Variants in MYO18B observed in about 807,000 individuals in gnomAD.
MYO18B encodes the protein unconventional myosin-XVIIIb.
In MYO18B, 204 loss-of-function variants were observed where a neutral mutation model predicts 273.0. The observed-to-expected ratio is 0.75, with a 90% CI of 0.67 to 0.84. MYO18B has a LOEUF of 0.84. MYO18B is among the 40% of genes least tolerant of loss of function. MYO18B has a pLI of 0.00. For synonymous variants in MYO18B, 1,330 were observed against 1,305.7 expected (o/e 1.02, Z -0.40); for missense variants, 3,212 against 3,287.6 (o/e 0.98, Z 0.56).
intron 34 of MYO18B, among the ~76,000 whole-genome samples, chr22:25,935,845 A>G (rs1274091937): frequency 2.0e-5 from 3 of 152,168 alleles, no homozygotes; most frequent in South Asian, 2.1e-4. Flanking sequence ...TTAGAGACCT[A>G]TGCATGGAGG....
At chr22:26,043,134 C>T in the MYO18B span, among the ~76,000 whole-genome samples, 1 of 152,198 alleles carries the variant, frequency 6.6e-6, no homozygotes, top group Non-Finnish European at 1.5e-5. Context: ...TCTAGAATTT[C>T]ATACAAATGG....
At chr22:25,923,789 C>T (rs562745394) in intron 34 of MYO18B, among the ~76,000 whole-genome samples, 2 of 152,218 alleles carry the variant, frequency 1.3e-5, no homozygotes, top group Non-Finnish European at 2.9e-5. Context: ...AAAATGTCCC[C>T]AGTGCCACAG....
chr22:25,746,721 T>A (rs2085790255), intron 1 of MYO18B, among the ~76,000 whole-genome samples: 1 of 152,200 alleles, frequency 6.6e-6, no homozygotes, highest in African/African-American at 2.4e-5. Context: ...GACGCTAAAT[T>A]TTTGATTTAA....
chr22:25,989,439 G>T (rs1350242264), intron 39 of MYO18B, among the ~76,000 whole-genome samples: 1 of 151,996 alleles, frequency 6.6e-6, no homozygotes, highest in Non-Finnish European at 1.5e-5. Context: ...TGCCACATCT[G>T]GGAGAAAGTG....
chr22:25,955,060 T>C (rs2092833047), intron 38 of MYO18B, 119 bp from the exon 39 acceptor site: 6 of 1,091,416 alleles, frequency 5.5e-6, no homozygotes, highest in South Asian at 3.4e-5. Context: ...ACATCAGTAT[T>C]CTTATCCTGA....
chr22:26,011,292 C>T (rs573623438), intron 42 of MYO18B, among the ~76,000 whole-genome samples: 19 of 152,008 alleles, frequency 1.2e-4, no homozygotes, highest in Non-Finnish European at 2.5e-4. Flanking sequence ...AAATGCAAGC[C>T]TGAGTGAGCC....
At chr22:25,779,736 A>T (rs1348339268) in intron 8 of MYO18B, among the ~76,000 whole-genome samples, 1 of 152,108 alleles carries the variant, frequency 6.6e-6, no homozygotes, top group Non-Finnish European at 1.5e-5. Flanking sequence ...AGGCTCCATT[A>T]GGTCTGGGAA....
At chr22:25,934,061 T>C (rs78113389) in intron 34 of MYO18B, among the ~76,000 whole-genome samples, 6,586 of 152,324 alleles carry the variant, frequency 0.043, 218 homozygotes, top group Middle Eastern at 0.14. Flanking sequence ...TTTTATTCTA[T>C]TTTGCACTTC....
intron 42 of MYO18B, among the ~76,000 whole-genome samples, chr22:26,024,447 C>T (rs547303381): frequency 7.2e-4 from 110 of 152,188 alleles, no homozygotes; most frequent in African/African-American, 2.4e-3. Context: ...CCTGGAGCAG[C>T]ATGAGCAAGA....
At chr22:25,836,159 G>A (rs1035097385) in intron 17 of MYO18B, among the ~76,000 whole-genome samples, 1 of 152,168 alleles carries the variant, frequency 6.6e-6, no homozygotes, top group African/African-American at 2.4e-5. Context: ...CGTGAAACCA[G>A]AACAAAGTGA....
chr22:25,813,230 G>A (rs1175985145), intron 12 of MYO18B, among the ~76,000 whole-genome samples: 1 of 142,816 alleles, frequency 7.0e-6, no homozygotes, highest in South Asian at 2.3e-4. Context: ...TGTTGCCCAG[G>A]CTGGAGTGCA....
chr22:25,835,290 C>A lies in MYO18B; in HGVS notation c.3061-6C>A. ...GCCCTTCAGTGAATCCTGGTTCTCC[C>A]AGCAGGTCCGCTTACCAGCTGGAGG... On this transcript the variant is annotated splice_region_variant and splice_polypyrimidine_tract_variant and intron_variant, in intron 16 of 43. Transcript: ENST00000335473. The A allele has an allele frequency of 1.2e-6, 2 of 1,612,810 alleles. No homozygotes were observed. The highest frequency in any genetic ancestry group is 1.7e-6 in the Non-Finnish European group (2 of 1,179,406).
At chr22:25,897,613 T>G (rs1369023308) in intron 28 of MYO18B, 2 of 152,250 alleles carry the variant, frequency 1.3e-5, no homozygotes, top group East Asian at 3.8e-4. Context: ...ACATCCCATT[T>G]GCCTTCAAAT....
intron 12 of MYO18B, among the ~76,000 whole-genome samples, chr22:25,809,501 G>C (rs1241428614): frequency 6.6e-6 from 1 of 152,168 alleles, no homozygotes; most frequent in African/African-American, 2.4e-5. Flanking sequence ...CAGTCTACTT[G>C]CTGCTGACCC....
intron 34 of MYO18B, among the ~76,000 whole-genome samples, chr22:25,928,634 A>G (rs1391557889): frequency 6.6e-6 from 1 of 152,064 alleles, no homozygotes; most frequent in African/African-American, 2.4e-5. Flanking sequence ...ATCTCAGTGA[A>G]CACCTGAGGC....
chr22:25,770,299 A>C, intron 5 of MYO18B, 123 bp downstream of exon 5: 1 of 875,260 alleles, frequency 1.1e-6, no homozygotes, highest in South Asian at 1.7e-5. Context: ...GGAGCAGTGG[A>C]GACTGTCTTT....
At chr22:25,893,704 A>G (rs1939691535) in intron 27 of MYO18B, among the ~76,000 whole-genome samples, 1 of 152,146 alleles carries the variant, frequency 6.6e-6, no homozygotes, top group African/African-American at 2.4e-5. Flanking sequence ...TTAATGATGT[A>G]GAAATCTCTA....
chr22:25,803,360 T>C (rs1246688901), intron 12 of MYO18B, among the ~76,000 whole-genome samples: 2 of 152,220 alleles, frequency 1.3e-5, no homozygotes, highest in African/African-American at 4.8e-5. Flanking sequence ...CTGAATTATA[T>C]TCCATCATAT....
chr22:25,879,006 A>G (rs775788785), intron 25 of MYO18B, among the ~76,000 whole-genome samples: 5 of 152,268 alleles, frequency 3.3e-5, no homozygotes, highest in Non-Finnish European at 5.9e-5. Context: ...TATTAACAGA[A>G]CAGTAGGTGA....
Sources: gnomAD v4.1 joint callset for allele counts (sites outside exome capture counted in the v4.1 genomes callset) on GRCh38, gnomAD v4.1.1 for gene constraint, MANE v1.5 for transcripts, NCBI Gene and HGNC (gene_info 2026-07-23, HGNC 2026-07-21) for gene names.